Variants in PALM2AKAP2 observed in about 807,000 individuals in gnomAD.
PALM2AKAP2 encodes PALM2-AKAP2 fusion protein.
A neutral mutation model predicts 71.5 loss-of-function variants in PALM2AKAP2; 37 were observed. The observed-to-expected ratio is 0.52, with a 90% CI of 0.40 to 0.68. The LOEUF (loss-of-function observed/expected upper bound fraction) is 0.68, where lower values mean the gene tolerates loss of function less well. Ranked by LOEUF, PALM2AKAP2 falls within the 30% of genes least tolerant of loss-of-function variation. PALM2AKAP2 has a pLI of 0.00. For missense variants in PALM2AKAP2, 1,224 were observed against 1,191.8 expected (o/e 1.03, Z -0.40); for synonymous variants, 468 against 478.8 (o/e 0.98, Z 0.29).
intron 1 of PALM2AKAP2, among the ~76,000 whole-genome samples, chr9:109,851,212 A>C (rs55683268): frequency 0.057 from 5,362 of 94,030 alleles, 117 homozygotes; most frequent in Middle Eastern, 0.13. Flanking sequence ...ACAACAACAA[A>C]AAAAAAAAAA....
intron 1 of PALM2AKAP2, among the ~76,000 whole-genome samples, chr9:109,763,793 G>A (rs967116542): frequency 3.3e-5 from 5 of 152,096 alleles, no homozygotes; most frequent in Non-Finnish European, 5.9e-5. Context: ...GGAAGTAGGT[G>A]GAGGTCCTTG....
chr9:110,090,703 AAT>A (rs1834686541), intron 1 of PALM2AKAP2, among the ~76,000 whole-genome samples: 1 of 152,234 alleles, frequency 6.6e-6, no homozygotes, highest in African/African-American at 2.4e-5. Context: ...TCAAGTTCTA[AAT>A]TTATTGTGAA....
intron 1 of PALM2AKAP2, among the ~76,000 whole-genome samples, chr9:109,747,909 G>A (rs907865469): frequency 3.9e-5 from 6 of 152,168 alleles, no homozygotes; most frequent in South Asian, 2.1e-4. Flanking sequence ...GAGCTGAAGC[G>A]ATCTGCCTGC....
Position 109,916,707 on chromosome 9 carries a change from C to T in PALM2AKAP2, c.258-7028C>T, listed in dbSNP as rs3860157. Among the ~76,000 whole-genome samples, 200 of 152,344 alleles carry T rather than the reference C, an allele frequency of 1.3e-3. 3 individuals are homozygous for T. The highest frequency in any genetic ancestry group is 4.5e-3 in the African/African-American group (188 of 41,576). The stretch of plus-strand genomic sequence containing the variant: ...ACCTGTATCAGTTGAGAATTGCATT[C>T]AGCTATGATCACAACAGAGGCTTAA... On this transcript the variant is annotated intron_variant, in intron 3 of 9. Transcript: ENST00000302798.
intron 3 of PALM2AKAP2, among the ~76,000 whole-genome samples, chr9:109,920,700 C>T (rs1336927229): frequency 6.6e-6 from 1 of 152,018 alleles, no homozygotes; most frequent in Non-Finnish European, 1.5e-5. Flanking sequence ...TAATCTACTG[C>T]ACACCCTAAA....
Position 109,750,571 on chromosome 9 carries a change from C to CGTGTGTGTGTGTGTGT in PALM2AKAP2, c.6-29902_6-29887dup, listed in dbSNP as rs111708702. Among the ~76,000 whole-genome samples the CGTGTGTGTGTGTGTGT allele has an allele frequency of 1.2e-3, 182 of 147,308 alleles. 1 individual carries two copies. Among genetic ancestry groups the CGTGTGTGTGTGTGTGT allele is most frequent in the African/African-American group, 4.2e-3 (166 of 39,708 alleles). ...TCATCCTCAGAGCTCTGCCCTAGGACGTGTGTGTGTGTGTGTGTGTGTGTG... is the reference window on the plus strand; with the variant it reads ...TCATCCTCAGAGCTCTGCCCTAGGACGTGTGTGTGTGTGTGTGTGTGTGTGTGTGTGTGTGTGTGTG... On this transcript the variant is annotated intron_variant, in intron 1 of 6. Transcript: ENST00000374531.
chr9:109,657,060 T>C lies in PALM2AKAP2; in HGVS notation c.5+16194T>C, dbSNP rs181633455. On this transcript the variant is annotated intron_variant, in intron 1 of 6. Transcript: ENST00000374531. The stretch of plus-strand genomic sequence containing the variant: ...GTTACATTGCCTTGTGGCTAAAAGC[T>C]TTGACACTGAAAAATGTATTCTCTG... Among the ~76,000 whole-genome samples the C allele has an allele frequency of 1.1e-4, 17 of 152,362 alleles. No homozygotes were observed. The East Asian group carries it at 3.3e-3, about 29-fold the overall frequency.
At chr9:109,756,964 T>C (rs1188756532) in intron 1 of PALM2AKAP2, among the ~76,000 whole-genome samples, 1 of 152,178 alleles carries the variant, frequency 6.6e-6, no homozygotes, top group Non-Finnish European at 1.5e-5. Flanking sequence ...GTTTCTATGT[T>C]TTGGGAACAT....
chr9:109,673,314 C>T (rs1478256187), intron 1 of PALM2AKAP2, among the ~76,000 whole-genome samples: 1 of 151,946 alleles, frequency 6.6e-6, no homozygotes, highest in Non-Finnish European at 1.5e-5. Context: ...TATCTTTGTT[C>T]CCGTTAGTTT....
intron 6 of PALM2AKAP2, among the ~76,000 whole-genome samples, chr9:109,956,644 T>G (rs1430172324): frequency 6.6e-6 from 1 of 152,210 alleles, no homozygotes; most frequent in African/African-American, 2.4e-5. Flanking sequence ...TAACTCAGTT[T>G]TTCCTCAAAC....
At chr9:109,697,055 C>T (rs748712348) in intron 1 of PALM2AKAP2, among the ~76,000 whole-genome samples, 9 of 152,166 alleles carry the variant, frequency 5.9e-5, no homozygotes, top group African/African-American at 1.9e-4. Flanking sequence ...AAGCACTTCT[C>T]GATAAATCGC....
intron 3 of PALM2AKAP2, among the ~76,000 whole-genome samples, chr9:109,899,764 C>T (rs569133157): frequency 2.0e-5 from 3 of 152,336 alleles, no homozygotes; most frequent in African/African-American, 7.2e-5. Context: ...ACTGTCCCTT[C>T]TCCAAGGAAC....
chr9:109,865,190 C>G (rs1310246065), intron 1 of PALM2AKAP2, among the ~76,000 whole-genome samples: 1 of 141,658 alleles, frequency 7.1e-6, no homozygotes. Context: ...CCTCTACCCA[C>G]TGGGTTCAAG....
At chr9:109,864,548 A>C (rs1829394911) in intron 1 of PALM2AKAP2, among the ~76,000 whole-genome samples, 1 of 152,210 alleles carries the variant, frequency 6.6e-6, no homozygotes, top group Admixed American at 6.5e-5. Context: ...AGGCACTTAA[A>C]TGATATTTGA....
At chr9:109,799,104 A>G (rs1827346226) in intron 1 of PALM2AKAP2, among the ~76,000 whole-genome samples, 1 of 152,250 alleles carries the variant, frequency 6.6e-6, no homozygotes, top group Non-Finnish European at 1.5e-5. Flanking sequence ...AGGTCTGGTG[A>G]GGGTGGCCAA....
In PALM2AKAP2 at chr9:110,095,052, A is replaced by C. The variant is rs1056182673; in HGVS notation, c.157-41075A>C. Among the ~76,000 whole-genome samples, 5 of 152,236 alleles carry C rather than the reference A, an allele frequency of 3.3e-5. No homozygotes were observed. The South Asian group carries it at 1.0e-3, about 32-fold the overall frequency. ...CCCTACCGTATGTGTAGTACTCTGG[A>C]TTGGTAACGTTTGATGGGAAAGAAA... On this transcript the variant is annotated intron_variant, in intron 1 of 3. Coordinates refer to ENST00000374525, the Ensembl canonical transcript of PALM2AKAP2.
chr9:110,101,362 T>C (rs1834995546), intron 1 of PALM2AKAP2, among the ~76,000 whole-genome samples: 1 of 152,058 alleles, frequency 6.6e-6, no homozygotes, highest in Non-Finnish European at 1.5e-5. Context: ...CCTACTCCCA[T>C]CAGTGTAGCC....
At chr9:109,896,886 G>A (rs770015198) in intron 3 of PALM2AKAP2, among the ~76,000 whole-genome samples, 2 of 152,128 alleles carry the variant, frequency 1.3e-5, no homozygotes, top group Non-Finnish European at 2.9e-5. Flanking sequence ...CTCTTCAGAT[G>A]GCAAAATCTC....
At chr9:110,168,539 C>A in exon 4 of PALM2AKAP2, 1 of 1,590,578 alleles carries the variant, frequency 6.3e-7, no homozygotes, top group East Asian at 2.2e-5. Context: ...CTTGGGAGAC[C>A]AAGAAACCAA....
Sources: gnomAD v4.1 joint callset for allele counts (sites outside exome capture counted in the v4.1 genomes callset) on GRCh38, gnomAD v4.1.1 for gene constraint, MANE v1.5 for transcripts, NCBI Gene and HGNC (gene_info 2026-07-23, HGNC 2026-07-21) for gene names.